RAD18: variants seen among roughly 807,000 people sequenced by gnomAD.
RAD18 encodes the protein RAD18 E3 ubiquitin protein ligase, also known as E3 ubiquitin-protein ligase RAD18.
A neutral mutation model predicts 60.4 loss-of-function variants in RAD18; 47 were observed. That is an observed-to-expected ratio of 0.78 (90% confidence interval 0.62 to 0.99). RAD18 has a LOEUF of 0.99. Ranked by LOEUF, RAD18 falls within the 50% of genes least tolerant of loss-of-function variation. The pLI, the probability that RAD18 is intolerant of heterozygous loss-of-function variation, is 0.00. For missense variants in RAD18, 640 were observed against 593.3 expected (o/e 1.08, Z -0.82); for synonymous variants, 225 against 195.5 (o/e 1.15, Z -1.26).
chr3:8,890,113 T>C (rs1405325725), intron 12 of RAD18: 3 of 421,672 alleles, frequency 7.1e-6, no homozygotes, highest in Admixed American at 3.5e-5. Context: ...CGTATCCCCA[T>C]TGTTAAGTGA....
In RAD18 at chr3:8,918,701, A is replaced by G. The variant is rs1940255875; in HGVS notation, c.890-4981T>C. On this transcript the variant is annotated intron_variant, in intron 7 of 12. Coordinates refer to ENST00000264926, the MANE Select transcript of RAD18 (RefSeq NM_020165.4). ...AAGCCTCAAGAAAAATCTACTCTTT[A>G]TAAGCAAAGGACTGAAAAAGAGGGT... 2.0e-5 allele frequency among the ~76,000 whole-genome samples: 3 copies of G among 152,318 alleles called. No individual in the cohort carries two copies. In the South Asian group the frequency reaches 6.2e-4, roughly 32 times the overall value.
intron 1 of RAD18, among the ~76,000 whole-genome samples, chr3:8,959,879 CAAA>C (rs71307734): frequency 4.7e-5 from 3 of 63,274 alleles, no homozygotes; most frequent in African/African-American, 5.3e-5. Flanking sequence ...GAAACTGTCT[CAAA>C]AAAAAAAAAA....
At chr3:8,926,137 T>C (rs78677683) in intron 7 of RAD18, among the ~76,000 whole-genome samples, 92,519 of 151,708 alleles carry the variant, frequency 0.61, 30,447 homozygotes, top group Middle Eastern at 0.73. Flanking sequence ...TGTTTGCAGA[T>C]GACATGACTG....
At chr3:8,893,688 T>C (rs902302714) in intron 11 of RAD18, among the ~76,000 whole-genome samples, 1 of 137,296 alleles carries the variant, frequency 7.3e-6, no homozygotes, top group Non-Finnish European at 1.5e-5. Context: ...ACATTAGCTT[T>C]TTTAATTTTT....
intron 9 of RAD18, among the ~76,000 whole-genome samples, chr3:8,902,861 T>C (rs1939938472): frequency 6.6e-6 from 1 of 151,658 alleles, no homozygotes; most frequent in Non-Finnish European, 1.5e-5. Flanking sequence ...CTATCTCTAC[T>C]AAAAGTACAA....
At chr3:8,895,612 G>C (rs1939769828) in intron 11 of RAD18, among the ~76,000 whole-genome samples, 1 of 151,428 alleles carries the variant, frequency 6.6e-6, no homozygotes, top group African/African-American at 2.5e-5. Flanking sequence ...TTTATAAAGA[G>C]TAAGGTTTAA....
chr3:8,917,893 A>G (rs1465419864), intron 7 of RAD18, among the ~76,000 whole-genome samples: 1 of 152,180 alleles, frequency 6.6e-6, no homozygotes, highest in Admixed American at 6.5e-5. Context: ...ATTTTAAATA[A>G]AAAGATAGGT....
intron 9 of RAD18, among the ~76,000 whole-genome samples, chr3:8,908,255 C>T (rs1028448877): frequency 2.7e-5 from 4 of 150,436 alleles, no homozygotes; most frequent in African/African-American, 9.9e-5. Flanking sequence ...CCCCAACCCC[C>T]AACTATTCAC....
chr3:8,921,408 T>A (rs35922721), intron 7 of RAD18, among the ~76,000 whole-genome samples: 1 of 151,970 alleles, frequency 6.6e-6, no homozygotes. Flanking sequence ...TCCCTGCACT[T>A]TGGGGGGCTA....
chr3:8,957,094 C>T (rs1238328176), intron 2 of RAD18, among the ~76,000 whole-genome samples: 1 of 152,200 alleles, frequency 6.6e-6, no homozygotes, highest in Non-Finnish European at 1.5e-5. Context: ...AGTGAATTTA[C>T]TGCAGTCAGA....
chr3:8,896,401 T>A (rs1402473417), intron 11 of RAD18, among the ~76,000 whole-genome samples: 1 of 151,638 alleles, frequency 6.6e-6, no homozygotes, highest in Non-Finnish European at 1.5e-5. Flanking sequence ...CTGGCTTCAG[T>A]GCCTTCTGAG....
At chr3:8,930,543 G>A (rs555467348) in intron 7 of RAD18, among the ~76,000 whole-genome samples, 1 of 152,042 alleles carries the variant, frequency 6.6e-6, no homozygotes, top group African/African-American at 2.4e-5. Flanking sequence ...AGGTGGGTAT[G>A]AATTATATCT....
chr3:8,886,703 G>A (rs931234015), intron 12 of RAD18, among the ~76,000 whole-genome samples: 1 of 152,218 alleles, frequency 6.6e-6, no homozygotes, highest in African/African-American at 2.4e-5. Context: ...AACAGAGTAT[G>A]AAGAAAGGAA....
chr3:8,936,064 G>A lies in RAD18; in HGVS notation c.705-9C>T. On this transcript the variant is annotated splice_polypyrimidine_tract_variant and intron_variant, in intron 6 of 12. Transcript: ENST00000264926. ...TCCTTTTGTGAACAGAACTGAAAAG[G>A]GGGGAAGATACCTGATGATTATTGT... 1.3e-6 allele frequency: 2 copies of A among 1,505,808 alleles called. No homozygotes were observed. Among genetic ancestry groups the A allele is most frequent in the Non-Finnish European group, 1.8e-6 (2 of 1,123,778 alleles). The allele number at this position is 1,505,808 out of a possible 1,614,324, so 93.3% of individuals were successfully genotyped here.
intron 7 of RAD18, among the ~76,000 whole-genome samples, chr3:8,919,584 G>A (rs1940276004): frequency 6.6e-6 from 1 of 152,202 alleles, no homozygotes; most frequent in Non-Finnish European, 1.5e-5. Flanking sequence ...ACATGCATGT[G>A]TATGTATATA....
intron 7 of RAD18, among the ~76,000 whole-genome samples, chr3:8,927,625 G>A (rs1477370820): frequency 6.6e-6 from 1 of 152,150 alleles, no homozygotes; most frequent in African/African-American, 2.4e-5. Context: ...GTTTATTGTG[G>A]CACTATTCAC....
At chr3:8,941,343 G>T in intron 5 of RAD18, 124 bp downstream of exon 5, 1 of 842,602 alleles carries the variant, frequency 1.2e-6, no homozygotes, top group Non-Finnish European at 1.8e-6. Context: ...TCTGAGGTTT[G>T]TGATATGGTA....
intron 8 of RAD18, among the ~76,000 whole-genome samples, chr3:8,913,269 C>T (rs780260533): frequency 5.3e-5 from 8 of 152,148 alleles, no homozygotes; most frequent in Non-Finnish European, 8.8e-5. Context: ...TAAGTATAAT[C>T]ATAGAATTGC....
chr3:8,961,982 A>G (rs1941100786), intron 1 of RAD18, among the ~76,000 whole-genome samples: 1 of 152,248 alleles, frequency 6.6e-6, no homozygotes, highest in South Asian at 2.1e-4. Flanking sequence ...AGCACTTAAC[A>G]CAGTGCTAAT....
Sources: allele counts gnomAD v4.1 joint callset (sites outside exome capture counted in the v4.1 genomes callset), GRCh38; gene constraint gnomAD v4.1.1; transcripts MANE v1.5; gene names NCBI Gene and HGNC (gene_info 2026-07-23, HGNC 2026-07-21).